The following NRG1 variants were observed in gnomAD, a reference collection of about 807,000 sequenced individuals.
NRG1 encodes the protein pro-neuregulin-1, membrane-bound isoform.
NRG1 carries 18 observed loss-of-function variants against 63.8 expected under a neutral mutation model. The ratio of observed to expected loss-of-function variants is 0.28; its 90% CI spans 0.19 to 0.42. The LOEUF is 0.42. NRG1 is among the 10% of genes least tolerant of loss of function. The probability of loss-of-function intolerance (pLI) is 1.00; values close to 1 mark genes in which losing one functional copy is unlikely to be tolerated. For synonymous variants in NRG1, 302 were observed against 301.3 expected (o/e 1.00, Z -0.02); for missense variants, 762 against 814.7 (o/e 0.94, Z 0.79).
intron 1 of NRG1, among the ~76,000 whole-genome samples, chr8:32,460,945 A>G (rs375964060): frequency 2.0e-5 from 3 of 152,206 alleles, no homozygotes; most frequent in East Asian, 3.8e-4. Context: ...TATATATCCT[A>G]TAGGACTATA....
intron 1 of NRG1, among the ~76,000 whole-genome samples, chr8:32,033,923 A>G (rs1313764363): frequency 6.6e-6 from 1 of 152,122 alleles, no homozygotes; most frequent in African/African-American, 2.4e-5. Context: ...CTTTCTTCCT[A>G]TTTGAATATC....
rs757839225 is a variant in NRG1 at position 32,291,533 on chromosome 8, CTTTTTTTTTTTTTT to C, written c.38-304285_38-304272del. Among the ~76,000 whole-genome samples, 5 of 98,038 alleles carry C rather than the reference CTTTTTTTTTTTTTT, an allele frequency of 5.1e-5. No homozygotes were observed. The East Asian group carries it at 1.2e-3, about 24-fold the overall frequency. The allele number at this position is 98,038 out of a possible 152,430, so 64.3% of individuals were successfully genotyped here. A position where few individuals can be genotyped will look rare whatever the true frequency, so the allele number is the denominator to read the frequency against. ...AAGTCCTTGTACAAATTTTTATCCA[CTTTTTTTTTTTTTT>C]TTTTTTTTTGAGACAGAGTCTCGCT... On this transcript the variant is annotated intron_variant, in intron 1 of 10. Coordinates refer to the NRG1 transcript ENST00000519301.
chr8:32,708,173 T>C (rs1264811020), intron 5 of NRG1, among the ~76,000 whole-genome samples: 2 of 152,184 alleles, frequency 1.3e-5, no homozygotes, highest in Non-Finnish European at 2.9e-5. Context: ...TGTTCTCAAA[T>C]GTTCTTATAT....
At chr8:31,765,705 G>A (rs537538338) in intron 1 of NRG1, among the ~76,000 whole-genome samples, 1 of 152,248 alleles carries the variant, frequency 6.6e-6, no homozygotes, top group East Asian at 1.9e-4. Context: ...TTAAGACAAT[G>A]TTGTGGATAG....
At chr8:32,317,003 G>C (rs1032672076) in intron 1 of NRG1, among the ~76,000 whole-genome samples, 2 of 152,122 alleles carry the variant, frequency 1.3e-5, no homozygotes, top group African/African-American at 4.8e-5. Context: ...TGAAAAGCAG[G>C]CCTCTGGCCT....
chr8:31,885,264 G>A (rs761028712), intron 1 of NRG1, among the ~76,000 whole-genome samples: 8 of 152,040 alleles, frequency 5.3e-5, no homozygotes, highest in Non-Finnish European at 7.4e-5. Flanking sequence ...AGAAGGGATG[G>A]TTGTGGAAAT....
At chr8:32,684,705 TTAGTC>T (rs1809610525) in intron 5 of NRG1, among the ~76,000 whole-genome samples, 2 of 152,116 alleles carry the variant, frequency 1.3e-5, no homozygotes, top group African/African-American at 4.8e-5. Flanking sequence ...ACAGACAACT[TTAGTC>T]AATGCTTAGC....
At chr8:32,682,531 T>TC (rs1159044717) in intron 5 of NRG1, among the ~76,000 whole-genome samples, 1 of 152,202 alleles carries the variant, frequency 6.6e-6, no homozygotes, top group African/African-American at 2.4e-5. Context: ...TTTTAATTTT[T>TC]CTAAATACAT....
chr8:31,778,837 A>C (rs985944393), intron 1 of NRG1, among the ~76,000 whole-genome samples: 1 of 152,224 alleles, frequency 6.6e-6, no homozygotes, highest in Non-Finnish European at 1.5e-5. Flanking sequence ...GTGCATGTGC[A>C]GGAGGACTGT....
intron 1 of NRG1, among the ~76,000 whole-genome samples, chr8:31,934,081 A>G (rs1400512221): frequency 1.3e-5 from 2 of 152,148 alleles, no homozygotes; most frequent in Non-Finnish European, 2.9e-5. Flanking sequence ...TTTATAAATC[A>G]TGTGCATATG....
chr8:32,118,149 A>G lies in NRG1; in HGVS notation c.38-477679A>G, dbSNP rs1340423415. Among the ~76,000 whole-genome samples, 3 of 152,024 alleles carry G rather than the reference A, an allele frequency of 2.0e-5. No homozygotes were observed. In the East Asian group the frequency reaches 5.8e-4, roughly 29 times the overall value. On this transcript the variant is annotated intron_variant, in intron 1 of 10. Transcript: ENST00000519301. Reference sequence around the variant, plus strand: ...TGCTATGGTTTGTTAGACTCCTCCAAATCTCTTGTTGAACTTTGATCCCTA... The same window carrying G: ...TGCTATGGTTTGTTAGACTCCTCCAGATCTCTTGTTGAACTTTGATCCCTA...
chr8:31,903,349 T>C (rs1832253715), intron 1 of NRG1, among the ~76,000 whole-genome samples: 1 of 151,488 alleles, frequency 6.6e-6, no homozygotes, highest in South Asian at 2.1e-4. Context: ...CGGGATTTCA[T>C]TGTGTTAGCC....
intron 5 of NRG1, chr8:32,647,202 ATGCTGT>A: frequency 1.0e-6 from 1 of 985,254 alleles, no homozygotes; most frequent in Non-Finnish European, 1.2e-6. Flanking sequence ...ACACAACAGG[ATGCTGT>A]TGCTATTGTC....
At chr8:32,231,299 G>A (rs1846912535) in intron 1 of NRG1, among the ~76,000 whole-genome samples, 1 of 152,028 alleles carries the variant, frequency 6.6e-6, no homozygotes, top group African/African-American at 2.4e-5. Flanking sequence ...CTGTATATCA[G>A]GGCTCAATCA....
At chr8:31,659,662 A>T (rs901669109) in intron 1 of NRG1, among the ~76,000 whole-genome samples, 5 of 151,948 alleles carry the variant, frequency 3.3e-5, no homozygotes, top group African/African-American at 9.7e-5. Flanking sequence ...AATCTGCCAG[A>T]CTCCACTTTC....
At chr8:32,315,248 C>G (rs745592570) in intron 1 of NRG1, among the ~76,000 whole-genome samples, 2 of 152,154 alleles carry the variant, frequency 1.3e-5, no homozygotes, top group Non-Finnish European at 2.9e-5. Flanking sequence ...GCCCACCCCC[C>G]TGACAGGTCC....
At position 32,722,793 on chromosome 8, in the gene NRG1, T is replaced by G. The variant is rs548187072; in HGVS notation, c.503-5156T>G. ...GTAAAATAATCCTGCATTTATGATA[T>G]TAATTTCTCTTAAATTGTTCAATTT... On this transcript the variant is annotated intron_variant, in intron 5 of 11. Coordinates refer to ENST00000356819, the Ensembl canonical transcript of NRG1. Among the ~76,000 whole-genome samples the G allele has an allele frequency of 2.0e-5, 3 of 152,308 alleles. No individual in the cohort carries two copies. In the South Asian group the frequency reaches 6.2e-4, roughly 32 times the overall value.
chr8:32,230,498 G>A (rs575151478), intron 1 of NRG1, among the ~76,000 whole-genome samples: 1 of 152,266 alleles, frequency 6.6e-6, no homozygotes, highest in South Asian at 2.1e-4. Flanking sequence ...AAATTGGAGA[G>A]TAGGAAACTC....
In NRG1 at chr8:31,830,114, G is replaced by C. The variant is rs146582336; in HGVS notation, c.37+190683G>C. 2.5e-3 allele frequency among the ~76,000 whole-genome samples: 376 copies of C among 152,246 alleles called. 4 individuals carry two copies. Among genetic ancestry groups the C allele is most frequent in the African/African-American group, 8.6e-3 (359 of 41,530 alleles). On this transcript the variant is annotated intron_variant, in intron 1 of 10. Transcript: ENST00000519301. ...TGCCAGTCACAAACCACCTTTAGCT[G>C]AGAGTATTATCATATCAATTGTTTC...
Sources: gnomAD v4.1 joint callset for allele counts (sites outside exome capture counted in the v4.1 genomes callset) on GRCh38, gnomAD v4.1.1 for gene constraint, MANE v1.5 for transcripts, NCBI Gene and HGNC (gene_info 2026-07-23, HGNC 2026-07-21) for gene names.